Variants in NELL1 observed in about 807,000 individuals in gnomAD.
NELL1 encodes the protein neural EGFL like 1, also known as protein kinase C-binding protein NELL1.
NELL1 carries 76 observed loss-of-function variants against 107.4 expected under a neutral mutation model. The observed-to-expected ratio is 0.71, with a 90% CI of 0.59 to 0.86. The LOEUF (loss-of-function observed/expected upper bound fraction) is 0.86, where lower values mean the gene tolerates loss of function less well. NELL1 is among the 40% of genes least tolerant of loss of function. NELL1 has a pLI of 0.00. For missense variants in NELL1, 1,024 were observed against 1,005.5 expected, an observed-to-expected ratio of 1.02 and a Z score of -0.25; for synonymous variants, 353 against 341.2, an observed-to-expected ratio of 1.03 and a Z score of -0.38.
At chr11:20,970,909 A>G (rs998182434) in intron 12 of NELL1, among the ~76,000 whole-genome samples, 4 of 152,176 alleles carry the variant, frequency 2.6e-5, no homozygotes, top group Non-Finnish European at 5.9e-5. Context: ...GCTTATTTTC[A>G]TCTCATCCTC....
intron 5 of NELL1, among the ~76,000 whole-genome samples, chr11:20,888,913 C>A (rs1298419007): frequency 6.6e-6 from 1 of 152,152 alleles, no homozygotes; most frequent in Non-Finnish European, 1.5e-5. Context: ...TACATGTCAT[C>A]CCTGGGATTC....
chr11:20,959,046 C>T (rs746155791), intron 11 of NELL1, among the ~76,000 whole-genome samples: 16 of 152,194 alleles, frequency 1.1e-4, no homozygotes, highest in Admixed American at 2.6e-4. Flanking sequence ...TGCTGATCCT[C>T]CTGCTTTGTC....
At chr11:20,774,761 T>A (rs187099565) in intron 2 of NELL1, among the ~76,000 whole-genome samples, 8 of 152,260 alleles carry the variant, frequency 5.3e-5, no homozygotes, top group Admixed American at 2.0e-4. Flanking sequence ...AGGACTGCCC[T>A]CATGTCTTTA....
chr11:21,087,306 C>G (rs1303693535), intron 12 of NELL1, among the ~76,000 whole-genome samples: 1 of 151,958 alleles, frequency 6.6e-6, no homozygotes, highest in Non-Finnish European at 1.5e-5. Context: ...TGTTCATATC[C>G]TGGAACTTTT....
chr11:21,049,467 C>T (rs1010433894), intron 12 of NELL1, among the ~76,000 whole-genome samples: 18 of 152,056 alleles, frequency 1.2e-4, no homozygotes, highest in African/African-American at 4.3e-4. Flanking sequence ...TCTCTTTTAG[C>T]CAACTTTAGT....
intron 15 of NELL1, among the ~76,000 whole-genome samples, chr11:21,464,338 T>C (rs1853971506): frequency 6.6e-6 from 1 of 150,894 alleles, no homozygotes; most frequent in Non-Finnish European, 1.5e-5. Context: ...TTTCCAAATA[T>C]ATATTGCTTC....
intron 4 of NELL1, among the ~76,000 whole-genome samples, chr11:20,853,317 T>G (rs1848824473): frequency 6.6e-6 from 1 of 152,216 alleles, no homozygotes; most frequent in South Asian, 2.1e-4. Context: ...GCTCCGTGGT[T>G]TAATCTAGAT....
At chr11:21,056,867 A>G (rs1853626852) in intron 12 of NELL1, among the ~76,000 whole-genome samples, 1 of 152,128 alleles carries the variant, frequency 6.6e-6, no homozygotes, top group African/African-American at 2.4e-5. Flanking sequence ...TACTTCCTGA[A>G]ATTACACAGG....
intron 15 of NELL1, among the ~76,000 whole-genome samples, chr11:21,401,211 T>A (rs1033961863): frequency 6.6e-6 from 1 of 151,828 alleles, no homozygotes; most frequent in Non-Finnish European, 1.5e-5. Context: ...AGATTTTTTT[T>A]ATTGAATTAT....
At chr11:20,851,899 G>A (rs1036786200) in intron 4 of NELL1, among the ~76,000 whole-genome samples, 5 of 152,186 alleles carry the variant, frequency 3.3e-5, no homozygotes, top group African/African-American at 9.6e-5. Flanking sequence ...AGCCCTGTAA[G>A]CAGGCTGATT....
intron 13 of NELL1, among the ~76,000 whole-genome samples, chr11:21,114,022 G>A (rs982616138): frequency 2.6e-5 from 4 of 151,946 alleles, no homozygotes; most frequent in Non-Finnish European, 4.4e-5. Context: ...AAAATAGAAA[G>A]TATCAATTAT....
chr11:21,340,660 C>G (rs1484421121), intron 14 of NELL1, among the ~76,000 whole-genome samples: 3 of 137,676 alleles, frequency 2.2e-5, no homozygotes, highest in Non-Finnish European at 3.2e-5. Context: ...CACACACACA[C>G]AGAATGAGAG....
chr11:21,095,384 C>A (rs1421314600), intron 12 of NELL1, among the ~76,000 whole-genome samples: 1 of 152,206 alleles, frequency 6.6e-6, no homozygotes, highest in Non-Finnish European at 1.5e-5. Flanking sequence ...CCACCCTCTG[C>A]CTGTAACCCA....
rs538654550 is a variant in NELL1 at position 20,709,472 on chromosome 11, G to A, written c.184+31412G>A. On this transcript the variant is annotated intron_variant, in intron 2 of 19. Transcript: ENST00000357134. ...GTAGTACAATTTGAAGTTGAGTAAT[G>A]TGATGCCTTCAAATTTGTTCTTTTT... Among the ~76,000 whole-genome samples the A allele has an allele frequency of 3.3e-5, 5 of 152,276 alleles. No homozygotes were observed. The East Asian group carries it at 9.6e-4, about 29-fold the overall frequency.
At chr11:21,521,523 A>AC (rs1855723391) in intron 15 of NELL1, among the ~76,000 whole-genome samples, 2 of 151,660 alleles carry the variant, frequency 1.3e-5, no homozygotes, top group Admixed American at 6.6e-5. Context: ...TATATTGGTG[A>AC]TTTTTTTTGG....
chr11:21,050,469 A>G (rs2134346363), intron 12 of NELL1, among the ~76,000 whole-genome samples: 1 of 152,164 alleles, frequency 6.6e-6, no homozygotes, highest in South Asian at 2.1e-4. Flanking sequence ...TGAATGTTAG[A>G]TAGCACAGGC....
intron 13 of NELL1, among the ~76,000 whole-genome samples, chr11:21,185,852 C>A (rs539898480): frequency 6.6e-6 from 1 of 151,794 alleles, no homozygotes; most frequent in East Asian, 1.9e-4. Context: ...ATGAGTATTT[C>A]TTATCTATTA....
intron 14 of NELL1, chr11:21,262,712 A>G (rs1848558179): frequency 6.6e-6 from 1 of 151,780 alleles, no homozygotes; most frequent in South Asian, 2.1e-4. Flanking sequence ...ATTGTTTTAA[A>G]TTTCATGATG....
intron 14 of NELL1, among the ~76,000 whole-genome samples, chr11:21,333,840 G>C (rs1173077686): frequency 6.6e-6 from 1 of 151,976 alleles, no homozygotes; most frequent in Admixed American, 6.6e-5. Context: ...CTCTTTTCTT[G>C]TTTGCTCAAA....
Sources: allele counts gnomAD v4.1 joint callset (sites outside exome capture counted in the v4.1 genomes callset), GRCh38; gene constraint gnomAD v4.1.1; transcripts MANE v1.5; gene names NCBI Gene and HGNC (gene_info 2026-07-23, HGNC 2026-07-21).